Variants in SGCD observed in about 807,000 individuals in gnomAD.
SGCD encodes delta-sarcoglycan.
SGCD carries 18 observed loss-of-function variants against 36.6 expected under a neutral mutation model. That is an observed-to-expected ratio of 0.49 (90% CI 0.34 to 0.73). SGCD has a LOEUF of 0.73. Ranked by LOEUF, SGCD falls within the 30% of genes least tolerant of loss-of-function variation. The pLI is 0.01. For missense variants in SGCD, 387 were observed against 346.7 expected (o/e 1.12, Z -0.92); for synonymous variants, 133 against 130.6 (o/e 1.02, Z -0.12).
rs1009670609 is a variant in SGCD, at chr5:156,767,494, A to C, written c.*8104A>C. The C allele has an allele frequency of 2.0e-5, 3 of 151,674 alleles. No homozygotes were observed. Among genetic ancestry groups the C allele is most frequent in the Admixed American group, 6.6e-5 (1 of 15,236 alleles). 9.4% of individuals were successfully genotyped at this position (151,674 alleles called of 1,614,324 possible). A position where few individuals can be genotyped will look rare whatever the true frequency, so the allele number is the denominator to read the frequency against. ...TTGCTTGGAGATTTTGAAAAAAAAA[A>C]AAAAAAAAAACCCATTCCCATAAAG... On this transcript the variant is annotated 3_prime_UTR_variant, in exon 9 of 9. Coordinates refer to ENST00000337851, the MANE Select transcript of SGCD (RefSeq NM_000337.6).
chr5:156,197,472 CTTTTTT>C (rs368116194), intron 3 of SGCD, among the ~76,000 whole-genome samples: 1 of 133,998 alleles, frequency 7.5e-6, no homozygotes, highest in Non-Finnish European at 1.6e-5. Context: ...AATAGTTTTC[CTTTTTT>C]TTTTTTTTTG....
At chr5:156,468,879 C>A (rs1197200323) in intron 3 of SGCD, among the ~76,000 whole-genome samples, 1 of 152,168 alleles carries the variant, frequency 6.6e-6, no homozygotes, top group Non-Finnish European at 1.5e-5. Flanking sequence ...GTAATCCCAA[C>A]TACTCAGGAG....
At chr5:155,739,491 T>G in the SGCD span, among the ~76,000 whole-genome samples, 3 of 152,280 alleles carry the variant, frequency 2.0e-5, no homozygotes, top group East Asian at 5.8e-4. Context: ...AATGAAATAT[T>G]CCATCTAACC....
At chr5:156,003,743 G>A (rs1259418632) in intron 1 of SGCD, among the ~76,000 whole-genome samples, 1 of 152,134 alleles carries the variant, frequency 6.6e-6, no homozygotes, top group African/African-American at 2.4e-5. Flanking sequence ...CTAAGGATAA[G>A]CTAGTGGATT....
the SGCD span, among the ~76,000 whole-genome samples, chr5:155,806,388 C>A: frequency 1.3e-5 from 2 of 152,138 alleles, no homozygotes; most frequent in Admixed American, 6.5e-5. Context: ...CTCCTGACCT[C>A]GTGATCCACC....
chr5:156,383,507 A>C (rs1276573231), intron 3 of SGCD, among the ~76,000 whole-genome samples: 1 of 151,970 alleles, frequency 6.6e-6, no homozygotes, highest in African/African-American at 2.4e-5. Context: ...CCATCTCTTA[A>C]AAAAGAAAAA....
At chr5:155,743,987 A>T in the SGCD span, among the ~76,000 whole-genome samples, 3 of 152,342 alleles carry the variant, frequency 2.0e-5, no homozygotes, top group Admixed American at 2.0e-4. Context: ...GCAATAGTAA[A>T]TCTTCTTTGG....
intron 1 of SGCD, among the ~76,000 whole-genome samples, chr5:155,975,404 A>G (rs543413664): frequency 2.0e-4 from 31 of 152,166 alleles, no homozygotes; most frequent in East Asian, 5.8e-4. Context: ...TAAACATCCA[A>G]CAATGCACAG....
At chr5:156,573,324 G>A (rs531764348) in intron 4 of SGCD, among the ~76,000 whole-genome samples, 27 of 152,258 alleles carry the variant, frequency 1.8e-4, no homozygotes, top group Non-Finnish European at 3.5e-4. Context: ...GAATCACGTG[G>A]ACACAAAGTT....
intron 3 of SGCD, among the ~76,000 whole-genome samples, chr5:156,248,706 G>T (rs995406987): frequency 6.6e-6 from 1 of 152,186 alleles, no homozygotes; most frequent in Non-Finnish European, 1.5e-5. Flanking sequence ...GACAACTCTG[G>T]CCACTATGTG....
At chr5:156,125,802 T>C (rs1450336714) in intron 3 of SGCD, among the ~76,000 whole-genome samples, 1 of 150,256 alleles carries the variant, frequency 6.7e-6, no homozygotes, top group Non-Finnish European at 1.5e-5. Flanking sequence ...AAAATTGATG[T>C]ATAGTTGTGG....
intron 3 of SGCD, among the ~76,000 whole-genome samples, chr5:156,467,164 G>C (rs760523171): frequency 2.6e-5 from 4 of 152,160 alleles, no homozygotes; most frequent in Non-Finnish European, 5.9e-5. Context: ...AAACCAAGTA[G>C]CAGGCTGGAT....
At chr5:156,290,427 A>C (rs1443507056) in intron 3 of SGCD, among the ~76,000 whole-genome samples, 1 of 152,172 alleles carries the variant, frequency 6.6e-6, no homozygotes, top group African/African-American at 2.4e-5. Flanking sequence ...TTGCTCAAGA[A>C]TCTAAGTTCC....
Position 156,504,385 on chromosome 5 carries a change from T to G in SGCD, c.193-4216T>G, listed in dbSNP as rs555776349. 3.8e-3 allele frequency among the ~76,000 whole-genome samples: 315 copies of G among 82,398 alleles called. 1 individual carries two copies. Among genetic ancestry groups the G allele is most frequent in the African/African-American group, 0.021 (303 of 14,542 alleles). The allele number at this position is 82,398 out of a possible 152,430, so 54.1% of individuals were successfully genotyped here. ...ATATGTACATGAGTATATGTGGGTG[T>G]GTGTGTGTATATATATATATATATA... On this transcript the variant is annotated intron_variant, in intron 3 of 8. Transcript: ENST00000337851.
At chr5:155,882,097 CTAT>C (rs144555561) in intron 1 of SGCD, among the ~76,000 whole-genome samples, 1,850 of 151,962 alleles carry the variant, frequency 0.012, 48 homozygotes, top group African/African-American at 0.043. Flanking sequence ...ATGAATCATA[CTAT>C]TATTATTATT....
chr5:156,114,793 G>C (rs1405854955), intron 1 of SGCD, among the ~76,000 whole-genome samples: 1 of 151,966 alleles, frequency 6.6e-6, no homozygotes, highest in Non-Finnish European at 1.5e-5. Context: ...AAGATATATT[G>C]ATTAATGTTC....
At chr5:155,736,304 A>T in the SGCD span, among the ~76,000 whole-genome samples, 538 of 152,228 alleles carry the variant, frequency 3.5e-3, 5 homozygotes, top group African/African-American at 0.012. Flanking sequence ...TACCAAACTA[A>T]CCCAAACTAA....
Position 156,569,368 on chromosome 5 carries a change from G to T in SGCD, c.295-19863G>T, listed in dbSNP as rs1342332301. Among the ~76,000 whole-genome samples the T allele has an allele frequency of 3.9e-5, 6 of 152,202 alleles. No homozygotes were observed. In the East Asian group the frequency reaches 1.2e-3, roughly 29 times the overall value. On this transcript the variant is annotated intron_variant, in intron 4 of 8. Transcript: ENST00000337851. ...GCACTTTGGGAGGCCGAGGCAGGCG[G>T]ATCACCTGAGGTGAGGAGTTCAAGA...
At chr5:156,134,409 C>G (rs1022492363) in intron 3 of SGCD, among the ~76,000 whole-genome samples, 7 of 152,282 alleles carry the variant, frequency 4.6e-5, no homozygotes, top group African/African-American at 1.7e-4. Flanking sequence ...TGTGTCATGT[C>G]TTTTTACTCA....
Sources: allele counts gnomAD v4.1 joint callset (sites outside exome capture counted in the v4.1 genomes callset), GRCh38; gene constraint gnomAD v4.1.1; transcripts MANE v1.5; gene names NCBI Gene and HGNC (gene_info 2026-07-23, HGNC 2026-07-21).